Variants in TMEM131 observed in about 807,000 individuals in gnomAD.
TMEM131 encodes the protein transmembrane protein 131, also known as 2610524E03Rik.
TMEM131 carries 66 observed loss-of-function variants against 211.6 expected under a neutral mutation model. That is an observed-to-expected ratio of 0.31 (90% confidence interval 0.26 to 0.38). TMEM131 has a LOEUF of 0.38. Ranked by LOEUF, TMEM131 falls within the 10% of genes least tolerant of loss-of-function variation. The pLI is 1.00. For synonymous variants in TMEM131, 844 were observed against 841.3 expected (o/e 1.00, Z -0.06); for missense variants, 2,036 against 2,299.3 (o/e 0.89, Z 2.34).
intron 4 of TMEM131, among the ~76,000 whole-genome samples, chr2:97,876,604 A>C (rs568504979): frequency 6.6e-6 from 1 of 152,252 alleles, no homozygotes; most frequent in Non-Finnish European, 1.5e-5. Context: ...CAAAAGCCAC[A>C]GGATTATCTC....
At chr2:97,970,772 C>A (rs1679262561) in intron 1 of TMEM131, among the ~76,000 whole-genome samples, 1 of 152,096 alleles carries the variant, frequency 6.6e-6, no homozygotes, top group Admixed American at 6.5e-5. Flanking sequence ...TGGTGGTCTG[C>A]CATGCTGGAC....
At chr2:97,885,552 T>C (rs1189067870) in intron 4 of TMEM131, among the ~76,000 whole-genome samples, 1 of 152,230 alleles carries the variant, frequency 6.6e-6, no homozygotes, top group Admixed American at 6.5e-5. Flanking sequence ...TATAGTGTTC[T>C]TGGCTCACAG....
intron 3 of TMEM131, among the ~76,000 whole-genome samples, chr2:97,903,026 T>A (rs1675923574): frequency 6.6e-6 from 1 of 152,172 alleles, no homozygotes; most frequent in Non-Finnish European, 1.5e-5. Context: ...TATATATTTA[T>A]CCTAACAGTT....
In TMEM131 at chr2:97,760,831, G is replaced by C; in HGVS notation, c.4973C>G (p.Thr1658Ser). Residue 1658 changes from threonine to serine, a missense_variant, in exon 37 of 41, where the codon ACT becomes AGT. Physicochemically the swap from Thr to Ser is moderately conservative, Grantham distance 58 (BLOSUM62 1). Transcript: ENST00000186436. ...ASLPGKNGNP[T>S]FAAVTAGYDK... is the part of the protein sequence containing the mutation. Reference sequence around the variant, plus strand: ...GTAGCCAGCCGTGACTGCAGCAAAAGTGGGGTTGCCGTTCTTGCCCGGGAG... The same window carrying C: ...GTAGCCAGCCGTGACTGCAGCAAAACTGGGGTTGCCGTTCTTGCCCGGGAG... The C allele has an allele frequency of 6.2e-7, 1 of 1,614,054 alleles. No homozygotes were observed. The highest frequency in any genetic ancestry group is 1.1e-5 in the South Asian group (1 of 91,090).
chr2:97,837,227 C>T (rs1450637815), intron 7 of TMEM131, 70 bp from the exon 8 acceptor site: 3 of 1,137,866 alleles, frequency 2.6e-6, no homozygotes, highest in Non-Finnish European at 3.8e-6. Flanking sequence ...TGCTATTACA[C>T]AGAAATAATT....
At chr2:97,967,614 TGC>T in intron 1 of TMEM131, among the ~76,000 whole-genome samples, 1 of 151,984 alleles carries the variant, frequency 6.6e-6, no homozygotes, top group East Asian at 1.9e-4. Flanking sequence ...ATTCGAACGG[TGC>T]AATGGAAAAT....
At chr2:97,768,811 G>A (rs1183410856) in intron 33 of TMEM131, among the ~76,000 whole-genome samples, 2 of 152,140 alleles carry the variant, frequency 1.3e-5, no homozygotes, top group African/African-American at 2.4e-5. Flanking sequence ...GGCTGGTCTC[G>A]AAGTCCTGAC....
rs1427364586 is a variant in TMEM131 at position 97,947,306 on chromosome 2, G to A, written c.188-19819C>T. Among the ~76,000 whole-genome samples the A allele has an allele frequency of 2.0e-5, 3 of 151,960 alleles. No individual in the cohort carries two copies. The East Asian group carries it at 5.8e-4, about 29-fold the overall frequency. The stretch of plus-strand genomic sequence containing the variant: ...TAAAACTGTCTTTAGACACAGACAT[G>A]ATATCTCCTATAACACCTATAAAAA... On this transcript the variant is annotated intron_variant, in intron 1 of 40. Coordinates refer to ENST00000186436, the MANE Select transcript of TMEM131 (RefSeq NM_015348.2).
chr2:97,867,255 T>C (rs1253846196), intron 4 of TMEM131, among the ~76,000 whole-genome samples: 1 of 152,210 alleles, frequency 6.6e-6, no homozygotes, highest in African/African-American at 2.4e-5. Flanking sequence ...CTAGATGGTA[T>C]AGCCATTATT....
intron 19 of TMEM131, among the ~76,000 whole-genome samples, chr2:97,807,833 G>GTC (rs1681382141): frequency 1.3e-5 from 2 of 151,464 alleles, no homozygotes; most frequent in African/African-American, 4.9e-5. Flanking sequence ...GATAAATAAC[G>GTC]AAGAGTTTAG....
rs769365716 is a variant in TMEM131, at chr2:97,756,934, T to G, written c.*165A>C. ...CATGTTATCATAATTGCAAGAAAGA[T>G]CTGAAAGAAGCGAGTGGTCTGAGCC... On this transcript the variant is annotated 3_prime_UTR_variant, in exon 41 of 41. Transcript: ENST00000186436. 2.4e-5 allele frequency: 17 copies of G among 709,494 alleles called. No homozygotes were observed. The highest frequency in any genetic ancestry group is 3.5e-5 in the Admixed American group (1 of 28,472). 43.9% of individuals were successfully genotyped at this position (709,494 alleles called of 1,614,324 possible).
chr2:97,960,949 T>C (rs928238168), intron 1 of TMEM131, among the ~76,000 whole-genome samples: 1 of 152,038 alleles, frequency 6.6e-6, no homozygotes, highest in African/African-American at 2.4e-5. Flanking sequence ...CATCTTAATA[T>C]AGAGAAAAAG....
Position 97,759,854 on chromosome 2 carries a change from G to A in TMEM131, c.5109-105C>T, listed in dbSNP as rs368997031. 6.6e-5 allele frequency: 51 copies of A among 777,174 alleles called. 1 individual carries two copies. In the African/African-American group the frequency reaches 7.5e-4, roughly 11 times the overall value. 48.1% of individuals were successfully genotyped at this position (777,174 alleles called of 1,614,324 possible). On this transcript the variant is annotated intron_variant, in intron 38 of 40. Coordinates refer to ENST00000186436, the MANE Select transcript of TMEM131 (RefSeq NM_015348.2). The stretch of plus-strand genomic sequence containing the variant: ...CAAACAGGAGACACTGCTTCAACTG[G>A]GGGTACTCAAATATTAAAAACAGAC...
At chr2:97,895,516 T>C (rs1675573102) in intron 3 of TMEM131, among the ~76,000 whole-genome samples, 1 of 152,172 alleles carries the variant, frequency 6.6e-6, no homozygotes, top group South Asian at 2.1e-4. Context: ...TTTTGGTTGG[T>C]AGGCTATTAA....
At chr2:97,936,295 C>T (rs1344418477) in intron 1 of TMEM131, among the ~76,000 whole-genome samples, 2 of 152,186 alleles carry the variant, frequency 1.3e-5, no homozygotes, top group African/African-American at 4.8e-5. Flanking sequence ...GTGTTGACAC[C>T]TTCCTGCCAA....
intron 1 of TMEM131, among the ~76,000 whole-genome samples, chr2:97,991,931 TAGA>T (rs1393147152): frequency 6.6e-6 from 1 of 152,150 alleles, no homozygotes; most frequent in East Asian, 1.9e-4. Flanking sequence ...CTGTAAGAAT[TAGA>T]AGGAGGAGGA....
intron 2 of TMEM131, among the ~76,000 whole-genome samples, chr2:97,920,081 T>A (rs974766538): frequency 6.6e-6 from 1 of 152,348 alleles, no homozygotes; most frequent in Admixed American, 6.5e-5. Context: ...TGGCCAACTC[T>A]ACCCAGTGCA....
chr2:97,972,473 CG>C (rs1337891918), intron 1 of TMEM131, among the ~76,000 whole-genome samples: 2 of 2,668 alleles, frequency 7.5e-4, no homozygotes, highest in African/African-American at 2.8e-3. Flanking sequence ...GGAAGGCGGG[CG>C]GGAGGGAGGG....
At chr2:97,803,226 T>C (rs1398979281) in intron 22 of TMEM131, among the ~76,000 whole-genome samples, 1 of 152,178 alleles carries the variant, frequency 6.6e-6, no homozygotes, top group Non-Finnish European at 1.5e-5. Context: ...GATCTAGACA[T>C]CTACAAGCAG....
Sources: allele counts gnomAD v4.1 joint callset (sites outside exome capture counted in the v4.1 genomes callset), GRCh38; gene constraint gnomAD v4.1.1; transcripts MANE v1.5; gene names NCBI Gene and HGNC (gene_info 2026-07-23, HGNC 2026-07-21).